CCSER1: variants seen among roughly 807,000 people sequenced by gnomAD.
CCSER1 encodes the protein coiled-coil serine rich protein 1.
Under a neutral mutation model 82.0 loss-of-function variants are expected in CCSER1, and 41 were observed. That is an observed-to-expected ratio of 0.50 (90% confidence interval 0.39 to 0.65). The LOEUF (loss-of-function observed/expected upper bound fraction) is 0.65. Among genes scored for constraint, CCSER1 ranks in the 30% least tolerant of loss-of-function variants. CCSER1 has a pLI of 0.00. For missense variants in CCSER1, 1,119 were observed against 1,064.2 expected (o/e 1.05, Z -0.72); for synonymous variants, 414 against 383.9 (o/e 1.08, Z -0.92).
At chr4:90,353,647 C>G (rs1342672336) in intron 3 of CCSER1, among the ~76,000 whole-genome samples, 1 of 152,266 alleles carries the variant, frequency 6.6e-6, no homozygotes, top group East Asian at 1.9e-4. Context: ...TTTCCTGACT[C>G]CAAGCTAGCA....
intron 1 of CCSER1, among the ~76,000 whole-genome samples, chr4:90,222,207 C>T (rs1234545661): frequency 6.6e-6 from 1 of 152,056 alleles, no homozygotes; most frequent in Non-Finnish European, 1.5e-5. Context: ...TTCCTGGGGC[C>T]TTCTTTCCTT....
At chr4:90,697,660 C>A (rs546163528) in intron 6 of CCSER1, among the ~76,000 whole-genome samples, 1 of 152,276 alleles carries the variant, frequency 6.6e-6, no homozygotes, top group East Asian at 1.9e-4. Flanking sequence ...AAGTCCAACC[C>A]TCATTCATTT....
intron 4 of CCSER1, among the ~76,000 whole-genome samples, chr4:90,400,842 A>AT (rs1338588472): frequency 6.6e-6 from 1 of 152,146 alleles, no homozygotes; most frequent in South Asian, 2.1e-4. Context: ...TTTACACTTA[A>AT]TTTTTTTGTT....
At chr4:91,522,801 C>T (rs561887806) in intron 10 of CCSER1, among the ~76,000 whole-genome samples, 40 of 152,270 alleles carry the variant, frequency 2.6e-4, no homozygotes, top group African/African-American at 8.9e-4. Context: ...TCTAAATATA[C>T]AATCATGTCA....
intron 10 of CCSER1, among the ~76,000 whole-genome samples, chr4:91,311,897 A>C (rs1745506483): frequency 6.6e-6 from 1 of 151,944 alleles, no homozygotes; most frequent in Non-Finnish European, 1.5e-5. Flanking sequence ...TGTTACTCAA[A>C]ACCACTATTC....
intron 5 of CCSER1, among the ~76,000 whole-genome samples, chr4:90,511,626 T>C (rs1771523991): frequency 6.6e-6 from 1 of 152,180 alleles, no homozygotes; most frequent in South Asian, 2.1e-4. Context: ...GGAATTTTTC[T>C]AAAGATAGGT....
chr4:90,362,749 T>A (rs959213019), intron 3 of CCSER1, among the ~76,000 whole-genome samples: 7 of 152,290 alleles, frequency 4.6e-5, no homozygotes, highest in Admixed American at 6.5e-5. Flanking sequence ...TACTCTTCTT[T>A]GATTTGCCAG....
chr4:90,618,587 G>T (rs1721740245), intron 5 of CCSER1, among the ~76,000 whole-genome samples: 1 of 151,826 alleles, frequency 6.6e-6, no homozygotes, highest in Non-Finnish European at 1.5e-5. Context: ...TAGTAGTTTG[G>T]TCCTGTAAGA....
At chr4:91,111,608 T>A in intron 10 of CCSER1, among the ~76,000 whole-genome samples, 1 of 151,992 alleles carries the variant, frequency 6.6e-6, no homozygotes, top group Non-Finnish European at 1.5e-5. Flanking sequence ...AAAAATAAAA[T>A]AAAGATTGTA....
At chr4:91,092,399 C>A (rs769129236) in intron 10 of CCSER1, among the ~76,000 whole-genome samples, 3 of 152,160 alleles carry the variant, frequency 2.0e-5, no homozygotes, top group Non-Finnish European at 4.4e-5. Context: ...ACACTAGAAC[C>A]AGTAAATACT....
chr4:91,040,355 G>T (rs934536348), intron 9 of CCSER1, among the ~76,000 whole-genome samples: 1 of 152,042 alleles, frequency 6.6e-6, no homozygotes, highest in Non-Finnish European at 1.5e-5. Flanking sequence ...TTGAGACATA[G>T]ATAATAAAGT....
chr4:90,818,720 C>T (rs1187198039), intron 8 of CCSER1, among the ~76,000 whole-genome samples: 3 of 152,176 alleles, frequency 2.0e-5, no homozygotes, highest in Non-Finnish European at 4.4e-5. Context: ...AGCCTCTCTC[C>T]TCTAGATGCC....
In CCSER1 at chr4:90,999,895, T is replaced by C. The variant is rs200568978; in HGVS notation, c.2172+76448T>C. On this transcript the variant is annotated intron_variant, in intron 9 of 10. Transcript: ENST00000509176. Reference sequence around the variant, plus strand: ...GTTTCTGAGGTTTTTTTTTTTTTTTTCCCTAGGATTCTTATAGTTTGAGGT... The same window carrying C: ...GTTTCTGAGGTTTTTTTTTTTTTTTCCCCTAGGATTCTTATAGTTTGAGGT... Among the ~76,000 whole-genome samples the C allele has an allele frequency of 3.1e-4, 36 of 115,560 alleles. No individual in the cohort carries two copies. In the South Asian group the frequency reaches 4.6e-3, roughly 15 times the overall value. The allele number at this position is 115,560 out of a possible 152,430, so 75.8% of individuals were successfully genotyped here.
intron 10 of CCSER1, among the ~76,000 whole-genome samples, chr4:91,287,842 A>C (rs1271923034): frequency 1.3e-5 from 2 of 151,790 alleles, no homozygotes; most frequent in East Asian, 3.9e-4. Context: ...CACAAAGGAA[A>C]AATGCAATAT....
intron 8 of CCSER1, among the ~76,000 whole-genome samples, chr4:90,910,242 C>G (rs1726132964): frequency 6.6e-6 from 1 of 152,192 alleles, no homozygotes; most frequent in Non-Finnish European, 1.5e-5. Context: ...GGGCCCTCCC[C>G]TGATACAAAG....
chr4:90,282,327 A>G (rs1038353548), intron 1 of CCSER1, among the ~76,000 whole-genome samples: 2 of 151,854 alleles, frequency 1.3e-5, no homozygotes, highest in East Asian at 1.9e-4. Flanking sequence ...TCTTTTTATG[A>G]TAAAAGCACT....
chr4:90,280,300 T>A (rs2153459997), intron 1 of CCSER1, among the ~76,000 whole-genome samples: 1 of 152,056 alleles, frequency 6.6e-6, no homozygotes, highest in South Asian at 2.1e-4. Context: ...GAACAAATCA[T>A]GAAGTCACCC....
chr4:90,561,252 TG>T (rs1778728747), intron 5 of CCSER1, among the ~76,000 whole-genome samples: 1 of 152,220 alleles, frequency 6.6e-6, no homozygotes, highest in Non-Finnish European at 1.5e-5. Context: ...CACAACTCTG[TG>T]GCCTTCCAAA....
At chr4:91,524,453 C>T (rs1261736024) in intron 10 of CCSER1, among the ~76,000 whole-genome samples, 2 of 152,128 alleles carry the variant, frequency 1.3e-5, no homozygotes, top group African/African-American at 2.4e-5. Context: ...TTACAAGATG[C>T]TCTGGCTTAC....
Sources: gnomAD v4.1 joint callset for allele counts (sites outside exome capture counted in the v4.1 genomes callset) on GRCh38, gnomAD v4.1.1 for gene constraint, MANE v1.5 for transcripts, NCBI Gene and HGNC (gene_info 2026-07-23, HGNC 2026-07-21) for gene names.